Variants in PIP5K1C observed in about 807,000 individuals in gnomAD.
The protein encoded by PIP5K1C is phosphatidylinositol-4-phosphate 5-kinase type 1 gamma, also known as phosphatidylinositol 4-phosphate 5-kinase type-1 gamma.
In PIP5K1C, 45 loss-of-function variants were observed where a neutral mutation model predicts 80.1. That is an observed-to-expected ratio of 0.56 (90% CI 0.44 to 0.72). PIP5K1C has a LOEUF of 0.72. Among genes scored for constraint, PIP5K1C ranks in the 30% least tolerant of loss-of-function variants. The probability of loss-of-function intolerance (pLI) is 0.00; values close to 1 mark genes in which losing one functional copy is unlikely to be tolerated. For missense variants in PIP5K1C, 753 were observed against 954.6 expected, an observed-to-expected ratio of 0.79 and a Z score of 2.78; for synonymous variants, 498 against 420.1, an observed-to-expected ratio of 1.19 and a Z score of -2.27.
chr19:3,653,670 G>T, intron 6 of PIP5K1C, 81 bp from the exon 7 acceptor site: 1 of 1,321,990 alleles, frequency 7.6e-7, no homozygotes. Context: ...CTCTGCCTCA[G>T]GGGGCTCATG....
intron 1 of PIP5K1C, among the ~76,000 whole-genome samples, chr19:3,693,053 G>GT (rs11381509): frequency 0.096 from 14,531 of 151,986 alleles, 868 homozygotes; most frequent in East Asian, 0.2. Context: ...TGTCCACTGC[G>GT]TTGCGTGTTT....
chr19:3,695,259 C>T (rs1027665259), intron 1 of PIP5K1C, among the ~76,000 whole-genome samples: 6 of 152,174 alleles, frequency 3.9e-5, no homozygotes, highest in East Asian at 3.9e-4. Flanking sequence ...CACACTTTCA[C>T]GAGCCGACTC....
At position 3,667,607 on chromosome 19, in the gene PIP5K1C, T is replaced by C. The variant is rs143612684; in HGVS notation, c.95-254A>G. ...GGGGCCTAGAGCAGGGGAGAGGCTT[T>C]GCAGCCTCAGGGAGATGGGCAGCTG... On this transcript the variant is annotated intron_variant, in intron 1 of 17. Transcript: ENST00000335312. Among the ~76,000 whole-genome samples, 17 of 152,340 alleles carry C rather than the reference T, an allele frequency of 1.1e-4. No homozygotes were observed. The South Asian group carries it at 2.1e-3, about 19-fold the overall frequency.
Position 3,664,821 on chromosome 19 carries a change from C to T in PIP5K1C, c.219+1G>A, listed in dbSNP as rs1265967997. ...CAGCCAGCTAAGGGGAGCCGAGGAA[C>T]CTTCTTGTAGGTGGTTTCGCCGGAT... On this transcript the variant is annotated splice_donor_variant, in intron 3 of 17. Coordinates refer to ENST00000335312, the MANE Select transcript of PIP5K1C (RefSeq NM_012398.3). LOFTEE classifies it high-confidence loss of function. 1 of 1,612,244 alleles carries T rather than the reference C, an allele frequency of 6.2e-7. No homozygotes were observed. Among genetic ancestry groups the T allele is most frequent in the African/African-American group, 1.3e-5 (1 of 74,918 alleles).
chr19:3,678,259 G>T (rs530958917), intron 1 of PIP5K1C, among the ~76,000 whole-genome samples: 3 of 121,166 alleles, frequency 2.5e-5, no homozygotes, highest in Non-Finnish European at 5.2e-5. Flanking sequence ...GAATGGAGGG[G>T]TGGAGGAATG....
chr19:3,633,499 C>T lies in PIP5K1C; in HGVS notation c.1942G>A (p.Val648Met). 8 of 1,500,070 alleles carry T rather than the reference C, an allele frequency of 5.3e-6. No homozygotes were observed. The highest frequency in any genetic ancestry group is 7.1e-6 in the Non-Finnish European group (8 of 1,120,210). 92.9% of individuals were successfully genotyped at this position (1,500,070 alleles called of 1,614,324 possible). A position where few individuals can be genotyped will look rare whatever the true frequency, so the allele number is the denominator to read the frequency against. The change falls in exon 17 of 18, where the codon GTG (valine) becomes ATG (methionine). Residue 648 changes from valine (V) to methionine (M), a missense_variant. Val to Met is a conservative substitution (Grantham distance 21). Coordinates refer to ENST00000335312, the MANE Select transcript of PIP5K1C (RefSeq NM_012398.3). ...IYFPTDERSW[V>M]YSPLHYSAQA... ...GCGCTATAGTGGAGCGGGGAGTACA[C>T]CCAGCTCCTCTCATCGGTGGGCTGG...
intron 3 of PIP5K1C, among the ~76,000 whole-genome samples, chr19:3,662,443 G>A (rs903444228): frequency 2.6e-5 from 4 of 152,200 alleles, no homozygotes; most frequent in Non-Finnish European, 5.9e-5. Flanking sequence ...TCTATGTAAC[G>A]CACGTGGTCA....
Position 3,648,560 on chromosome 19 carries a change from GCGCCCACCTGTGGGACT to G in PIP5K1C, c.1211+48_1211+64del. ...CCCACCTGTGGGGCTGCAGACCCGG[GCGCCCACCTGTGGGACT>G]GCAGACCCGGGGCGTCCACCTGTAG... is the stretch of plus-strand genomic sequence containing the variant. On this transcript the variant is annotated intron_variant, in intron 9 of 17. Coordinates refer to ENST00000335312, the MANE Select transcript of PIP5K1C (RefSeq NM_012398.3). The surrounding 1 kb of genome is among the most constrained non-coding windows in gnomAD (Gnocchi z 4.3). 1 of 1,182,052 alleles carries G rather than the reference GCGCCCACCTGTGGGACT, an allele frequency of 8.5e-7. No individual in the cohort carries two copies. The highest frequency in any genetic ancestry group is 1.4e-5 in the South Asian group (1 of 69,692). The allele number at this position is 1,182,052 out of a possible 1,614,324, so 73.2% of individuals were successfully genotyped here.
intron 11 of PIP5K1C, among the ~76,000 whole-genome samples, chr19:3,644,607 C>T (rs2034134637): frequency 6.6e-6 from 1 of 152,218 alleles, no homozygotes; most frequent in Non-Finnish European, 1.5e-5. Context: ...CGGGCAGGGC[C>T]CCCACTTTCA....
chr19:3,675,024 C>T (rs1159681019), intron 1 of PIP5K1C, among the ~76,000 whole-genome samples: 1 of 152,128 alleles, frequency 6.6e-6, no homozygotes, highest in Non-Finnish European at 1.5e-5. Context: ...GACCCCATTT[C>T]TATGAAATGT....
intron 3 of PIP5K1C, 74 bp downstream of exon 3, chr19:3,664,748 C>T: frequency 8.1e-7 from 1 of 1,240,642 alleles, no homozygotes. Context: ...AGGCCCCATC[C>T]ATGCTACCAG....
intron 2 of PIP5K1C, 127 bp downstream of exon 2, chr19:3,667,195 C>CA (rs2145509072): frequency 1.3e-6 from 1 of 779,478 alleles, no homozygotes; most frequent in East Asian, 2.7e-5. Context: ...TGCTTGTGGA[C>CA]ACTGGACGGC....
chr19:3,643,109 AGT>A, intron 13 of PIP5K1C, 132 bp downstream of exon 13: 2 of 1,481,330 alleles, frequency 1.4e-6, no homozygotes, highest in Non-Finnish European at 1.9e-6. Flanking sequence ...ACCCACATGC[AGT>A]GTATGTACAT....
chr19:3,632,937 T>C lies in PIP5K1C; in HGVS notation c.*230A>G, dbSNP rs192186691. ...TAAGGACTCAAATGCGATTGGCCGC[T>C]CGGGAGGGTGGGTCTCACAGGGGCA... On this transcript the variant is annotated 3_prime_UTR_variant, in exon 18 of 18. Transcript: ENST00000335312. The C allele has an allele frequency of 2.4e-5, 13 of 530,914 alleles. No homozygotes were observed. The highest frequency in any genetic ancestry group is 3.3e-5 in the Non-Finnish European group (10 of 300,532). 32.9% of individuals were successfully genotyped at this position (530,914 alleles called of 1,614,324 possible). A position where few individuals can be genotyped will look rare whatever the true frequency, so the allele number is the denominator to read the frequency against.
Position 3,632,141 on chromosome 19 carries a change from A to C in PIP5K1C, c.*1026T>G, listed in dbSNP as rs1756181540. The C allele has an allele frequency of 6.6e-6, 1 of 152,276 alleles. No homozygotes were observed. Among genetic ancestry groups the C allele is most frequent in the Non-Finnish European group, 1.5e-5 (1 of 68,066 alleles). 9.4% of individuals were successfully genotyped at this position (152,276 alleles called of 1,614,324 possible). On this transcript the variant is annotated 3_prime_UTR_variant, in exon 18 of 18. Transcript: ENST00000335312. ...CTTCTCTCCCCTCCTCGGAGACATCACATCACTTAAACAAGAAAGAGGCGG... is the reference window on the plus strand; with the variant it reads ...CTTCTCTCCCCTCCTCGGAGACATCCCATCACTTAAACAAGAAAGAGGCGG...
intron 1 of PIP5K1C, among the ~76,000 whole-genome samples, chr19:3,676,322 C>G (rs1188052246): frequency 6.6e-6 from 1 of 152,202 alleles, no homozygotes; most frequent in Non-Finnish European, 1.5e-5. Flanking sequence ...TAAACTGTCA[C>G]CCGGTACATC....
chr19:3,644,090 C>T lies in PIP5K1C; in HGVS notation c.1507G>A (p.Glu503Lys), dbSNP rs905939212. 7 of 1,610,790 alleles carry T rather than the reference C, an allele frequency of 4.3e-6. No homozygotes were observed. The highest frequency in any genetic ancestry group is 1.7e-5 in the Admixed American group (1 of 59,992). Reference protein sequence around the residue: ...GARSYPTLEDEGRPDLLPCTP... With the variant: ...GARSYPTLEDKGRPDLLPCTP... Reference sequence around the variant, plus strand: ...CACTCTGCCCTCTGCCCCTCACCTTCGTCCTCCAGCGTGGGGTAGCTGCGG... The same window carrying T: ...CACTCTGCCCTCTGCCCCTCACCTTTGTCCTCCAGCGTGGGGTAGCTGCGG... The change falls in exon 12 of 18, where the codon GAA becomes AAA. Residue 503 changes from glutamate (E) to lysine (K), a missense_variant. Around this residue, in one of 6 missense-constraint regions of PIP5K1C, gnomAD observed 315 missense variants for 294.5 expected, o/e 1.07. Transcript: ENST00000335312.
chr19:3,648,439 G>A lies in PIP5K1C; in HGVS notation c.1211+186C>T, dbSNP rs543305461. On this transcript the variant is annotated intron_variant, in intron 9 of 17. Transcript: ENST00000335312. This position sits in a 1 kb window ranked among gnomAD's most constrained non-coding sequence, Gnocchi z 4.3. ...GAGCTGCTGGTGCGGCTGTTTCCACGGGCAAGCGCCTCTGTGCATGGGTGT... is the reference window on the plus strand; with the variant it reads ...GAGCTGCTGGTGCGGCTGTTTCCACAGGCAAGCGCCTCTGTGCATGGGTGT... Among the ~76,000 whole-genome samples, 76 of 152,286 alleles carry A rather than the reference G, an allele frequency of 5.0e-4. No homozygotes were observed. Among genetic ancestry groups the A allele is most frequent in the Non-Finnish European group, 9.1e-4 (62 of 68,014 alleles).
intron 2 of PIP5K1C, among the ~76,000 whole-genome samples, chr19:3,665,970 T>TC (rs1226578049): frequency 6.6e-6 from 1 of 151,628 alleles, no homozygotes; most frequent in Non-Finnish European, 1.5e-5. Context: ...GCCCCTGCCC[T>TC]CCCTCCACAG....
Sources: gnomAD v4.1 joint callset for allele counts (sites outside exome capture counted in the v4.1 genomes callset) on GRCh38, gnomAD v4.1.1 for gene constraint, gnomAD v4.1.1 regional missense constraint, Gnocchi (gnomAD v3.1) non-coding constraint, MANE v1.5 for transcripts, NCBI Gene and HGNC (gene_info 2026-07-23, HGNC 2026-07-21) for gene names.